Variants in MMS19 observed in about 807,000 individuals in gnomAD.
MMS19 encodes MMS19 cytosolic iron-sulfur assembly component, also known as MMS19 nucleotide excision repair protein homolog.
In MMS19, 77 loss-of-function variants were observed where a neutral mutation model predicts 129.8. That is an observed-to-expected ratio of 0.59 (90% confidence interval 0.49 to 0.72). MMS19 has a LOEUF of 0.72. Among genes scored for constraint, MMS19 ranks in the 30% least tolerant of loss-of-function variants. MMS19 has a pLI of 0.00. For missense variants in MMS19, 1,168 were observed against 1,266.3 expected, an observed-to-expected ratio of 0.92 and a Z score of 1.18; for synonymous variants, 491 against 502.8, an observed-to-expected ratio of 0.98 and a Z score of 0.31.
Position 97,477,347 on chromosome 10 carries a change from C to T in MMS19, c.493G>A (p.Glu165Lys), listed in dbSNP as rs766012912. Residue 165 changes from glutamate (E) to lysine (K), a missense_variant and splice_region_variant, in exon 6 of 31, where the codon GAG (glutamate) becomes AAG (lysine). Coordinates refer to ENST00000438925, the MANE Select transcript of MMS19 (RefSeq NM_022362.5). Reference sequence around the variant, plus strand: ...TTTCCCAGAAAGCTCTGTCTCTTACCTTCTTCCCGGGTTCGCATAAAATTG... The same window carrying T: ...TTTCCCAGAAAGCTCTGTCTCTTACTTTCTTCCCGGGTTCGCATAAAATTG... ...ITNFMRTREE[E>K]LKSLGADFTF... 10 of 1,613,966 alleles carry T rather than the reference C, an allele frequency of 6.2e-6. No individual in the cohort carries two copies. Among genetic ancestry groups the T allele is most frequent in the Non-Finnish European group, 8.5e-6 (10 of 1,179,882 alleles).
At chr10:97,467,687 G>C (rs2033798970) in intron 13 of MMS19, 104 bp from the exon 14 acceptor site, 2 of 1,092,488 alleles carry the variant, frequency 1.8e-6, no homozygotes, top group Non-Finnish European at 2.7e-6. Context: ...AAGAGATGGG[G>C]GTTTTGCTAT....
intron 1 of MMS19, among the ~76,000 whole-genome samples, chr10:97,491,590 G>C (rs1239096477): frequency 3.9e-5 from 6 of 152,234 alleles, no homozygotes; most frequent in Non-Finnish European, 8.8e-5. Flanking sequence ...GCTTGAACCT[G>C]GGAGGCAGAG....
At chr10:97,461,223 C>T (rs1413786863) in intron 23 of MMS19, 1 of 605,508 alleles carries the variant, frequency 1.7e-6, no homozygotes, top group East Asian at 2.8e-5. Context: ...TCATCTACTT[C>T]CAATAAAGAA....
At position 97,476,972 on chromosome 10, in the gene MMS19, G is replaced by C; in HGVS notation, c.494-9C>G. On this transcript the variant is annotated splice_polypyrimidine_tract_variant and intron_variant, in intron 6 of 30. Transcript: ENST00000438925. ...TCCTAGGCTCTTTAGCTCTGGGAAG[G>C]AGAGAATAAGGTTACTATACTGTCC... 1 of 1,613,774 alleles carries C rather than the reference G, an allele frequency of 6.2e-7. No homozygotes were observed. Among genetic ancestry groups the C allele is most frequent in the South Asian group, 1.1e-5 (1 of 91,062 alleles).
At chr10:97,473,193 G>A (rs7073097) in intron 8 of MMS19, among the ~76,000 whole-genome samples, 34,882 of 151,538 alleles carry the variant, frequency 0.23, 4,216 homozygotes, top group Non-Finnish European at 0.27. Context: ...CTGCTACCAC[G>A]CCTAGCTAAT....
intron 4 of MMS19, 45 bp downstream of exon 4, chr10:97,478,259 G>C: frequency 6.8e-7 from 1 of 1,468,930 alleles, no homozygotes; most frequent in Non-Finnish European, 9.3e-7. Flanking sequence ...ACTAGACAAG[G>C]GCTCCCTTGA....
rs760229031 is a variant in MMS19, at chr10:97,477,855, C to T, written c.423G>A (p.Gln141=). ...TACCAACATGACTGTTATCCCTCAC[C>T]TGTACATGCACTTCCTGGAAGATGG... ...LKAIFQEVHV[Q]SLPQVDRHTV... is the part of the protein sequence containing the mutation. Residue 141 remains glutamine (Q), a splice_region_variant and synonymous_variant, in exon 5 of 31, where the codon CAG becomes CAA. Transcript: ENST00000438925. 1 of 1,602,920 alleles carries T rather than the reference C, an allele frequency of 6.2e-7. No individual in the cohort carries two copies. The highest frequency in any genetic ancestry group is 8.5e-7 in the Non-Finnish European group (1 of 1,174,994).
rs780314434 is a variant in MMS19 at position 97,469,018 on chromosome 10, C to T, written c.1011G>A (p.Leu337=). ...SLTACLSRSV[L]RADAEDLLDS... ...CAAGGAGGTCCTCAGCATCAGCCCT[C>T]AGCACAGAGCGAGACAAACACGCAG... Residue 337 remains leucine, a synonymous_variant, in exon 12 of 31, where the codon CTG becomes CTA. Transcript: ENST00000438925. The T allele has an allele frequency of 1.9e-6, 3 of 1,587,290 alleles. No individual in the cohort carries two copies. The highest frequency in any genetic ancestry group is 2.6e-6 in the Non-Finnish European group (3 of 1,166,742).
intron 23 of MMS19, 21 bp downstream of exon 23, chr10:97,461,475 T>A (rs368892337): frequency 5.0e-6 from 8 of 1,605,854 alleles, no homozygotes; most frequent in Non-Finnish European, 6.8e-6. Context: ...GGAGGCTCCT[T>A]ACATAGTCTG....
chr10:97,495,087 G>C (rs1307858630), intron 1 of MMS19, among the ~76,000 whole-genome samples: 1 of 152,230 alleles, frequency 6.6e-6, no homozygotes, highest in African/African-American at 2.4e-5. Context: ...CCCTTGGGGA[G>C]GGGTAGGGAA....
At chr10:97,477,787 C>A in intron 5 of MMS19, 68 bp downstream of exon 5, 1 of 1,115,138 alleles carries the variant, frequency 9.0e-7, no homozygotes, top group Non-Finnish European at 1.3e-6. Context: ...ATAATTTTTG[C>A]TATTGAATCC....
intron 1 of MMS19, among the ~76,000 whole-genome samples, chr10:97,486,184 G>C (rs1015692193): frequency 1.6e-4 from 25 of 151,906 alleles, no homozygotes. Context: ...GGTGTTTTTT[G>C]TTTGTTTGTT....
chr10:97,475,150 A>G (rs1340806318), intron 8 of MMS19, among the ~76,000 whole-genome samples: 1 of 152,236 alleles, frequency 6.6e-6, no homozygotes, highest in Non-Finnish European at 1.5e-5. Flanking sequence ...GCTAACTTAT[A>G]TACTGACGTG....
chr10:97,468,941 T>A, intron 12 of MMS19, 25 bp downstream of exon 12: 1 of 1,573,902 alleles, frequency 6.4e-7, no homozygotes, highest in Non-Finnish European at 8.6e-7. Flanking sequence ...CTCACTCCCC[T>A]TCCTGGCTGC....
intron 5 of MMS19, 148 bp downstream of exon 5, chr10:97,477,707 C>T (rs2036007387): frequency 4.5e-6 from 3 of 664,152 alleles, no homozygotes; most frequent in Non-Finnish European, 7.8e-6. Context: ...CAAAGATGAG[C>T]ATATAAACAT....
rs766297566 is a variant in MMS19, at chr10:97,469,049, G to A, written c.980C>T (p.Ser327Phe). ...VEAEGLAALH[S>F]LTACLSRSVL... is the part of the protein sequence containing the mutation. ...AGAGCGAGACAAACACGCAGTCAGG[G>A]AGTGGAGGGCCGCCAGGCCCTCTGC... The change falls in exon 12 of 31, where the codon TCC becomes TTC. Residue 327 changes from serine to phenylalanine, a missense_variant. Physicochemically the swap from Ser to Phe is radical, Grantham distance 155. This residue lies in a region of MMS19 where 831 missense variants were observed against 910.8 expected (regional missense o/e 0.91). Transcript: ENST00000438925. The A allele has an allele frequency of 2.5e-6, 4 of 1,584,338 alleles. No homozygotes were observed. The highest frequency in any genetic ancestry group is 3.4e-6 in the Non-Finnish European group (4 of 1,166,378).
rs79968069 is a variant in MMS19, at chr10:97,477,259, A to C, written c.493+88T>G. The C allele has an allele frequency of 4.9e-3, 7,800 of 1,606,664 alleles. 22 individuals are homozygous for C. Among genetic ancestry groups the C allele is most frequent in the Non-Finnish European group, 5.7e-3 (6,660 of 1,176,294 alleles). ...TCTCTCAGGATACCAGCTCTTCTAT[A>C]TAACCCCAGGTAAAATGAGTCCTAC... On this transcript the variant is annotated intron_variant, in intron 6 of 30. Transcript: ENST00000438925.
At position 97,498,279 on chromosome 10, in the gene MMS19, C is replaced by T; in HGVS notation, c.106G>A (p.Ala36Thr). The T allele has an allele frequency of 6.4e-7, 1 of 1,564,686 alleles. No homozygotes were observed. Among genetic ancestry groups the T allele is most frequent in the Non-Finnish European group, 8.6e-7 (1 of 1,162,546 alleles). The change falls in exon 1 of 31, where the codon GCT becomes ACT. Residue 36 changes from alanine (A) to threonine (T), a missense_variant. By Grantham distance (58) the Ala-to-Thr change is moderately conservative. Around this residue, in one of 3 missense-constraint regions of MMS19, gnomAD observed 329 missense variants for 328.6 expected, o/e 1.00. Coordinates refer to ENST00000438925, the MANE Select transcript of MMS19 (RefSeq NM_022362.5). ...GCGGCGCCGTCTGCCGTACCTGCAGCCACCTGGTCAGCGGGGCCCTCTTGC... is the reference window on the plus strand; with the variant it reads ...GCGGCGCCGTCTGCCGTACCTGCAGTCACCTGGTCAGCGGGGCCCTCTTGC... ...GQQEGPADQV[A>T]ADVKSGNYTV... is the part of the protein sequence containing the mutation.
At chr10:97,496,344 C>T (rs1175958303) in intron 1 of MMS19, among the ~76,000 whole-genome samples, 1 of 151,862 alleles carries the variant, frequency 6.6e-6, no homozygotes, top group Non-Finnish European at 1.5e-5. Flanking sequence ...GGTGAAACCT[C>T]GTCACTACAA....
Sources: allele counts gnomAD v4.1 joint callset (sites outside exome capture counted in the v4.1 genomes callset), GRCh38; gene constraint gnomAD v4.1.1; regional missense constraint gnomAD v4.1.1; transcripts MANE v1.5; gene names NCBI Gene and HGNC (gene_info 2026-07-23, HGNC 2026-07-21).